The following PTPRD variants were observed in gnomAD, a reference collection of about 807,000 sequenced individuals.
PTPRD encodes protein tyrosine phosphatase receptor type D, also known as receptor-type tyrosine-protein phosphatase delta.
PTPRD carries 34 observed loss-of-function variants against 214.5 expected under a neutral mutation model. The ratio of observed to expected loss-of-function variants is 0.16; its 90% CI spans 0.12 to 0.21. PTPRD has a LOEUF of 0.21. Among genes scored for constraint, PTPRD ranks in the 10% least tolerant of loss-of-function variants. The probability of loss-of-function intolerance (pLI) is 1.00; values close to 1 mark genes in which losing one functional copy is unlikely to be tolerated. For missense variants in PTPRD, 2,545 were observed against 2,398.7 expected, an observed-to-expected ratio of 1.06 and a Z score of -1.27; for synonymous variants, 1,128 against 845.7, an observed-to-expected ratio of 1.33 and a Z score of -5.79.
intron 10 of PTPRD, among the ~76,000 whole-genome samples, chr9:9,068,761 G>A (rs1315332403): frequency 6.6e-6 from 1 of 151,980 alleles, no homozygotes; most frequent in Non-Finnish European, 1.5e-5. Context: ...ACAGGCGCGT[G>A]TCACCATACC....
chr9:10,165,732 C>T (rs994304095), intron 3 of PTPRD, among the ~76,000 whole-genome samples: 1 of 151,240 alleles, frequency 6.6e-6, no homozygotes, highest in Non-Finnish European at 1.5e-5. Flanking sequence ...CAGAGCCAAA[C>T]ATTTCTGAAA....
At chr9:10,034,598 C>T (rs905290664) in intron 3 of PTPRD, among the ~76,000 whole-genome samples, 1 of 151,858 alleles carries the variant, frequency 6.6e-6, no homozygotes, top group Admixed American at 6.6e-5. Flanking sequence ...CCAATAGGCC[C>T]CAGTGTATGT....
intron 35 of PTPRD, among the ~76,000 whole-genome samples, chr9:8,411,713 T>C (rs2093545284): frequency 6.6e-6 from 1 of 152,212 alleles, no homozygotes. Flanking sequence ...AGATCAGCGA[T>C]ATGTGTTAAT....
At chr9:9,120,144 T>G (rs2099816231) in intron 10 of PTPRD, among the ~76,000 whole-genome samples, 1 of 152,202 alleles carries the variant, frequency 6.6e-6, no homozygotes, top group African/African-American at 2.4e-5. Context: ...TTTCATCTAC[T>G]GGAAATTCAC....
At chr9:9,901,428 T>C (rs1222329708) in intron 5 of PTPRD, among the ~76,000 whole-genome samples, 1 of 134,322 alleles carries the variant, frequency 7.4e-6, no homozygotes, top group African/African-American at 3.3e-5. Flanking sequence ...ATTGCAAAGA[T>C]AATCCTCTTT....
intron 2 of PTPRD, among the ~76,000 whole-genome samples, chr9:10,602,863 G>C (rs2078330430): frequency 6.6e-6 from 1 of 151,658 alleles, no homozygotes; most frequent in Non-Finnish European, 1.5e-5. Flanking sequence ...AAAATACTCT[G>C]AATTATAGTA....
chr9:9,562,749 T>A (rs1442581669), intron 8 of PTPRD, among the ~76,000 whole-genome samples: 1 of 152,172 alleles, frequency 6.6e-6, no homozygotes, highest in African/African-American at 2.4e-5. Flanking sequence ...GCATCCTATT[T>A]ACAATTATAT....
At chr9:8,422,894 C>G (rs537776039) in intron 35 of PTPRD, among the ~76,000 whole-genome samples, 3 of 152,092 alleles carry the variant, frequency 2.0e-5, no homozygotes, top group Admixed American at 1.3e-4. Flanking sequence ...TTATGCAGCA[C>G]CCTAACTGCT....
intron 4 of PTPRD, among the ~76,000 whole-genome samples, chr9:9,951,170 G>C (rs2093420690): frequency 6.6e-6 from 1 of 152,112 alleles, no homozygotes; most frequent in Non-Finnish European, 1.5e-5. Context: ...AGGGACAATG[G>C]AACTATGAGG....
chr9:8,484,443 C>G (rs2135802412), intron 29 of PTPRD, 65 bp from the exon 30 acceptor site: 1 of 1,503,724 alleles, frequency 6.7e-7, no homozygotes, highest in Non-Finnish European at 8.9e-7. Flanking sequence ...ATTTTCTAAA[C>G]CAATGTGCAC....
intron 7 of PTPRD, among the ~76,000 whole-genome samples, chr9:9,586,461 T>A (rs1317424566): frequency 1.3e-5 from 2 of 151,998 alleles, no homozygotes; most frequent in Non-Finnish European, 2.9e-5. Context: ...TTTTTAGTAA[T>A]AAAAATATTC....
At chr9:8,762,693 T>C (rs1159641756) in intron 11 of PTPRD, among the ~76,000 whole-genome samples, 1 of 152,148 alleles carries the variant, frequency 6.6e-6, no homozygotes, top group Non-Finnish European at 1.5e-5. Context: ...TCCTAACTTC[T>C]GACCCTTGAA....
At chr9:9,939,668 G>C (rs760755781) in intron 4 of PTPRD, among the ~76,000 whole-genome samples, 4 of 152,148 alleles carry the variant, frequency 2.6e-5, no homozygotes, top group Admixed American at 2.6e-4. Context: ...CTCTGTGAAT[G>C]AATCATGTGG....
At chr9:10,137,506 T>A (rs200502293) in intron 3 of PTPRD, among the ~76,000 whole-genome samples, 1 of 71,506 alleles carries the variant, frequency 1.4e-5, no homozygotes, top group African/African-American at 6.1e-5. Context: ...AACAATGAGA[T>A]CACATGGACA....
At chr9:9,287,804 A>G (rs754414663) in intron 9 of PTPRD, among the ~76,000 whole-genome samples, 14 of 151,972 alleles carry the variant, frequency 9.2e-5, no homozygotes, top group Non-Finnish European at 2.1e-4. Context: ...TAAAGTAAGT[A>G]TGTCATAATC....
intron 2 of PTPRD, among the ~76,000 whole-genome samples, chr9:10,473,206 A>G (rs1020125323): frequency 2.6e-5 from 4 of 152,088 alleles, no homozygotes; most frequent in Non-Finnish European, 5.9e-5. Context: ...TAAAGAAATA[A>G]ACATTAGAAT....
intron 35 of PTPRD, among the ~76,000 whole-genome samples, chr9:8,414,961 G>C (rs2093815047): frequency 6.7e-6 from 1 of 148,988 alleles, no homozygotes; most frequent in Non-Finnish European, 1.5e-5. Context: ...GAGAGAGAGA[G>C]AGAGAGAGAG....
Position 9,203,669 on chromosome 9 carries a change from A to T in PTPRD, c.-202-20306T>A, listed in dbSNP as rs543597487. ...CATTCTCTCCATCTCTGCCACAGTC[A>T]TATTTCCCAAAAAGTTCAAATTGGA... On this transcript the variant is annotated intron_variant, in intron 9 of 45. Transcript: ENST00000381196. 6.8e-4 allele frequency among the ~76,000 whole-genome samples: 104 copies of T among 152,292 alleles called. 1 individual carries two copies. The highest frequency in any genetic ancestry group is 2.4e-3 in the African/African-American group (101 of 41,576).
chr9:9,366,636 A>G (rs2057959267), intron 9 of PTPRD, among the ~76,000 whole-genome samples: 1 of 151,568 alleles, frequency 6.6e-6, no homozygotes, highest in African/African-American at 2.4e-5. Flanking sequence ...AGGAAATAGA[A>G]ACATATCATC....
Sources: allele counts gnomAD v4.1 joint callset (sites outside exome capture counted in the v4.1 genomes callset), GRCh38; gene constraint gnomAD v4.1.1; transcripts MANE v1.5; gene names NCBI Gene and HGNC (gene_info 2026-07-23, HGNC 2026-07-21).